CC2D1B: variants seen among roughly 807,000 people sequenced by gnomAD.
CC2D1B encodes coiled-coil and C2 domain-containing protein 1B.
In CC2D1B, 92 loss-of-function variants were observed where a neutral mutation model predicts 110.8. The observed-to-expected ratio is 0.83, with a 90% confidence interval of 0.70 to 0.99. CC2D1B has a LOEUF of 0.99. Among genes scored for constraint, CC2D1B ranks in the 50% least tolerant of loss-of-function variants. The probability of loss-of-function intolerance (pLI) is 0.00; values close to 1 mark genes in which losing one functional copy is unlikely to be tolerated. For missense variants in CC2D1B, 1,136 were observed against 1,089.0 expected (o/e 1.04, Z -0.61); for synonymous variants, 406 against 429.2 (o/e 0.95, Z 0.67).
At chr1:52,357,919 G>C (rs745925399) in intron 13 of CC2D1B, 21 bp from the exon 14 acceptor site, 1 of 1,535,052 alleles carries the variant, frequency 6.5e-7, no homozygotes, top group Admixed American at 2.2e-5. Context: ...CCAGGAGGCT[G>C]TTAGGAGGGG....
chr1:52,360,553 T>C lies in CC2D1B; in HGVS notation c.478-4A>G, dbSNP rs760411004. On this transcript the variant is annotated splice_polypyrimidine_tract_variant and splice_region_variant and intron_variant, in intron 5 of 24. Coordinates refer to ENST00000284376, the MANE Select transcript of CC2D1B (RefSeq NM_001330585.2). Reference sequence around the variant, plus strand: ...GTAGCCCCTGAGATGCTCCGGCCTATGAACAATTCAGCTAAGGGCCTGGCC... The same window carrying C: ...GTAGCCCCTGAGATGCTCCGGCCTACGAACAATTCAGCTAAGGGCCTGGCC... 6.2e-7 allele frequency: 1 copy of C among 1,613,280 alleles called. No individual in the cohort carries two copies. The highest frequency in any genetic ancestry group is 1.3e-5 in the African/African-American group (1 of 74,906).
intron 2 of CC2D1B, among the ~76,000 whole-genome samples, chr1:52,363,009 C>A (rs1646814993): frequency 6.6e-6 from 1 of 152,238 alleles, no homozygotes; most frequent in Admixed American, 6.5e-5. Flanking sequence ...ATTATTACAA[C>A]CAACAGCAAT....
chr1:52,358,839 G>A, intron 11 of CC2D1B, 81 bp from the exon 12 acceptor site: 1 of 1,478,910 alleles, frequency 6.8e-7, no homozygotes, highest in South Asian at 1.2e-5. Context: ...AGTGGGGCAA[G>A]GAGAGGGAGA....
rs1208264627 is a variant in CC2D1B at position 52,362,646 on chromosome 1, CCT to C, written c.168_169del (p.Glu58SerfsTer62). ...CTTCTTGCCTGTGGTTTGTGCTTCC[CCT>C]GTGAGAGCCAGCAGCTCAGCCTCCA... On this transcript the variant is annotated frameshift_variant, in exon 3 of 25. Coordinates refer to ENST00000284376, the MANE Select transcript of CC2D1B (RefSeq NM_001330585.2). LOFTEE classifies it high-confidence loss of function. 2 of 1,614,034 alleles carry C rather than the reference CCT, an allele frequency of 1.2e-6. No individual in the cohort carries two copies. Among genetic ancestry groups the C allele is most frequent in the East Asian group, 2.2e-5 (1 of 44,894 alleles).
Position 52,355,677 on chromosome 1 carries a change from G to C in CC2D1B, c.2129-11C>G. The C allele has an allele frequency of 1.2e-6, 2 of 1,614,182 alleles. No homozygotes were observed. Among genetic ancestry groups the C allele is most frequent in the African/African-American group, 1.3e-5 (1 of 75,038 alleles). The stretch of plus-strand genomic sequence containing the variant: ...CATCGGGAGTCACCCCTGGGAAGGA[G>C]AAAAGGGAGTCAAGTCAGAGGGAGT... On this transcript the variant is annotated splice_polypyrimidine_tract_variant and intron_variant, in intron 19 of 24. Transcript: ENST00000284376.
chr1:52,356,938 A>G (rs764338299), intron 16 of CC2D1B, 63 bp downstream of exon 16: 34 of 1,507,410 alleles, frequency 2.3e-5, no homozygotes, highest in Middle Eastern at 4.6e-4. Context: ...TCTGAGCTCC[A>G]GGTCTTCCTC....
At chr1:52,360,402 C>G in intron 6 of CC2D1B, 22 bp downstream of exon 6, 1 of 1,611,758 alleles carries the variant, frequency 6.2e-7, no homozygotes, top group Non-Finnish European at 8.5e-7. Flanking sequence ...CCCTGCCCTG[C>G]TCCCAGCCTA....
At chr1:52,354,231 C>A in intron 23 of CC2D1B, 1 of 394,620 alleles carries the variant, frequency 2.5e-6, no homozygotes, top group Non-Finnish European at 4.9e-6. Context: ...GGGAAGAGCC[C>A]CAGCCTACAT....
intron 2 of CC2D1B, among the ~76,000 whole-genome samples, chr1:52,363,680 CTTTT>C (rs772479076): frequency 7.1e-6 from 1 of 140,834 alleles, no homozygotes. Flanking sequence ...GAGGTACATC[CTTTT>C]TTTTTTTTTT....
At position 52,355,764 on chromosome 1, in the gene CC2D1B, G is replaced by A. The variant is rs1246391998; in HGVS notation, c.2128+7C>T. On this transcript the variant is annotated splice_region_variant and intron_variant, in intron 19 of 24. Coordinates refer to ENST00000284376, the MANE Select transcript of CC2D1B (RefSeq NM_001330585.2). ...GCCTCCTGGAGTAGGGGCGGCCCTA[G>A]GGTTACCTGGAGGGGCTGGGAGGTT... is the stretch of plus-strand genomic sequence containing the variant. The A allele has an allele frequency of 6.2e-7, 1 of 1,613,856 alleles. No individual in the cohort carries two copies. Among genetic ancestry groups the A allele is most frequent in the East Asian group, 2.2e-5 (1 of 44,880 alleles).
rs777349759 is a variant in CC2D1B at position 52,360,139 on chromosome 1, G to A, written c.698C>T (p.Ala233Val). The A allele has an allele frequency of 1.2e-6, 2 of 1,610,852 alleles. No homozygotes were observed. The highest frequency in any genetic ancestry group is 1.7e-6 in the Non-Finnish European group (2 of 1,178,470). The change falls in exon 7 of 25, where the codon GCC (alanine) becomes GTC (valine). Residue 233 changes from alanine to valine, a missense_variant. Physicochemically the swap from Ala to Val is moderately conservative, Grantham distance 64 (BLOSUM62 0). Transcript: ENST00000284376. ...PPVALGKRPL[A>V]PQEPANRSPE... Reference sequence around the variant, plus strand: ...GCTCCTGTTGGCTGGTTCCTGGGGGGCCAGGGGCCGCTTTCCTAAGGCCAC... The same window carrying A: ...GCTCCTGTTGGCTGGTTCCTGGGGGACCAGGGGCCGCTTTCCTAAGGCCAC...
Position 52,351,414 on chromosome 1 carries a change from C to T in CC2D1B, c.*1811G>A, listed in dbSNP as rs374855356. 8.5e-5 allele frequency: 13 copies of T among 152,278 alleles called. No homozygotes were observed. Among genetic ancestry groups the T allele is most frequent in the Admixed American group, 4.6e-4 (7 of 15,296 alleles). 9.4% of individuals were successfully genotyped at this position (152,278 alleles called of 1,614,324 possible). ...TAGGAAGCACTGGGTTGGATACACA[C>T]CCTAAGGGGAGTAGGTTGGGTTAGG... On this transcript the variant is annotated 3_prime_UTR_variant, in exon 25 of 25. Coordinates refer to ENST00000284376, the MANE Select transcript of CC2D1B (RefSeq NM_001330585.2).
At chr1:52,364,162 TAAAG>T (rs1646839218) in intron 2 of CC2D1B, among the ~76,000 whole-genome samples, 1 of 152,026 alleles carries the variant, frequency 6.6e-6, no homozygotes, top group South Asian at 2.1e-4. Context: ...CCAGAAGAAA[TAAAG>T]GAAGAAAATT....
chr1:52,354,521 C>T (rs546741428), intron 23 of CC2D1B, 87 bp downstream of exon 23: 64 of 1,118,878 alleles, frequency 5.7e-5, no homozygotes, highest in Admixed American at 2.0e-4. Flanking sequence ...GTAATGAGCA[C>T]GAAAACCTAC....
At position 52,359,745 on chromosome 1, in the gene CC2D1B, C is replaced by T. The variant is rs774227441; in HGVS notation, c.902G>A (p.Gly301Glu). The T allele has an allele frequency of 6.2e-7, 1 of 1,609,770 alleles. No homozygotes were observed. The highest frequency in any genetic ancestry group is 8.5e-7 in the Non-Finnish European group (1 of 1,178,124). Residue 301 changes from glycine to glutamate, a missense_variant, in exon 8 of 25, where the codon GGA becomes GAA. Physicochemically the swap from Gly to Glu is moderately conservative, Grantham distance 98. Coordinates refer to ENST00000284376, the MANE Select transcript of CC2D1B (RefSeq NM_001330585.2). ...KVAALSAKRA[G>E]ELDRARELMR... is the part of the protein sequence containing the mutation. ...GAGCTCTCGGGCACGGTCTAGCTCT[C>T]CAGCCCGCTTGGCACTGAGGGCAGC... is the stretch of plus-strand genomic sequence containing the variant.
At chr1:52,357,233 G>T (rs2147891685) in intron 15 of CC2D1B, 107 bp from the exon 16 acceptor site, 6 of 1,336,462 alleles carry the variant, frequency 4.5e-6, no homozygotes, top group Non-Finnish European at 6.3e-6. Context: ...TTCTACTAAA[G>T]TCCAGTGATG....
chr1:52,362,717 C>G lies in CC2D1B; in HGVS notation c.99G>C (p.Glu33Asp). ...CCTCATCCATGCCCAGCAGCATGTCCTCAGGGCCAAACTCCATAAAGAGCC... is the reference window on the plus strand; with the variant it reads ...CCTCATCCATGCCCAGCAGCATGTCGTCAGGGCCAAACTCCATAAAGAGCC... Reference protein sequence around the residue: ...QMGLFMEFGPEDMLLGMDEAE... With the variant: ...QMGLFMEFGPDDMLLGMDEAE... Residue 33 changes from glutamate (E) to aspartate (D), a missense_variant, in exon 3 of 25, where the codon GAG (glutamate) becomes GAC (aspartate). Physicochemically the swap from Glu to Asp is conservative, Grantham distance 45. Coordinates refer to ENST00000284376, the MANE Select transcript of CC2D1B (RefSeq NM_001330585.2). 1 of 1,614,114 alleles carries G rather than the reference C, an allele frequency of 6.2e-7. No individual in the cohort carries two copies. Among genetic ancestry groups the G allele is most frequent in the Non-Finnish European group, 8.5e-7 (1 of 1,180,018 alleles).
At chr1:52,356,134 C>T (rs773137417) in intron 18 of CC2D1B, 52 bp downstream of exon 18, 70 of 1,489,652 alleles carry the variant, frequency 4.7e-5, no homozygotes, top group Non-Finnish European at 6.4e-5. Flanking sequence ...CCTGGGCTCC[C>T]AGCCTCCTGC....
Position 52,357,882 on chromosome 1 carries a change from T to C in CC2D1B, c.1478A>G (p.Gln493Arg). Residue 493 changes from glutamine (Q) to arginine (R), a missense_variant, in exon 14 of 25, where the codon CAG (glutamine) becomes CGG (arginine). By Grantham distance (43) the Gln-to-Arg change is conservative (BLOSUM62 1). Transcript: ENST00000284376. ...TGCAGGTTTCTTGGCCACTGGGGCC[T>C]GTGCTGGGGGCTCACCCTGCAGGTG... is the stretch of plus-strand genomic sequence containing the variant. Reference protein sequence around the residue: ...KDEDEGEPPAQAPVAKKPARP... With the variant: ...KDEDEGEPPARAPVAKKPARP... 1.9e-6 allele frequency: 3 copies of C among 1,568,262 alleles called. No homozygotes were observed. Among genetic ancestry groups the C allele is most frequent in the Non-Finnish European group, 2.6e-6 (3 of 1,161,422 alleles).
Sources: allele counts gnomAD v4.1 joint callset (sites outside exome capture counted in the v4.1 genomes callset), GRCh38; gene constraint gnomAD v4.1.1; transcripts MANE v1.5; gene names NCBI Gene and HGNC (gene_info 2026-07-23, HGNC 2026-07-21).